Variants in COL16A1 observed in about 807,000 individuals in gnomAD.
COL16A1 encodes the protein collagen type XVI alpha 1 chain, also known as collagen alpha-1(XVI) chain.
Under a neutral mutation model 266.3 loss-of-function variants are expected in COL16A1, and 189 were observed. The ratio of observed to expected loss-of-function variants is 0.71; its 90% CI spans 0.63 to 0.80. COL16A1 has a LOEUF of 0.80. Among genes scored for constraint, COL16A1 ranks in the 30% least tolerant of loss-of-function variants. COL16A1 has a pLI of 0.00. For synonymous variants in COL16A1, 740 were observed against 782.3 expected (o/e 0.95, Z 0.90); for missense variants, 1,928 against 2,122.4 (o/e 0.91, Z 1.80).
Position 31,692,028 on chromosome 1 carries a change from C to A in COL16A1, c.1234G>T (p.Val412Leu). Reference protein sequence around the residue: ...GEKGDGGIKGVPGKPGRDGRP... With the variant: ...GEKGDGGIKGLPGKPGRDGRP... ...ACGTCCCGGCCTGGCTTTCCCGGCACGCCCTTGATGCCTCCGTCGCCCTTC... is the reference window on the plus strand; with the variant it reads ...ACGTCCCGGCCTGGCTTTCCCGGCAAGCCCTTGATGCCTCCGTCGCCCTTC... The change falls in exon 17 of 71, where the codon GTG becomes TTG. Residue 412 changes from valine (V) to leucine (L), a missense_variant. Physicochemically the swap from Val to Leu is conservative, Grantham distance 32. Around this residue, in one of 2 missense-constraint regions of COL16A1, gnomAD observed 1,552 missense variants for 1,637.2 expected, o/e 0.95. Coordinates refer to ENST00000373672, the MANE Select transcript of COL16A1 (RefSeq NM_001856.4). The A allele has an allele frequency of 6.2e-7, 1 of 1,613,908 alleles. No homozygotes were observed. Among genetic ancestry groups the A allele is most frequent in the South Asian group, 1.1e-5 (1 of 91,080 alleles).
chr1:31,684,932 G>T, intron 29 of COL16A1, 76 bp from the exon 30 acceptor site: 4 of 1,607,190 alleles, frequency 2.5e-6, no homozygotes, highest in Non-Finnish European at 3.4e-6. Flanking sequence ...ATCAGGCTGG[G>T]GCATACAACA....
chr1:31,662,652 C>G lies in COL16A1; in HGVS notation c.3562G>C (p.Glu1188Gln). The G allele has an allele frequency of 3.9e-6, 6 of 1,546,294 alleles. No homozygotes were observed. Among genetic ancestry groups the G allele is most frequent in the Non-Finnish European group, 5.2e-6 (6 of 1,145,106 alleles). The change falls in exon 57 of 71, where the codon GAA becomes CAA. Residue 1188 changes from glutamate (E) to glutamine (Q), a missense_variant. By Grantham distance (29) the Glu-to-Gln change is conservative (BLOSUM62 2). This residue lies in a region of COL16A1 where 1,552 missense variants were observed against 1,637.2 expected (regional missense o/e 0.95). Transcript: ENST00000373672. ...PPGPQAEKGS[E>Q]GIRGPSGLPG... ...AGGCCTGATGGGCCTCGAATCCCTTCGCTGCCCTGGAAACCAGCGCCGCCC... is the reference window on the plus strand; with the variant it reads ...AGGCCTGATGGGCCTCGAATCCCTTGGCTGCCCTGGAAACCAGCGCCGCCC...
chr1:31,665,944 C>T lies in COL16A1; in HGVS notation c.3403-9G>A. Reference sequence around the variant, plus strand: ...CGCTCTCCTCTGGGACCCTGTCACCCACAGAGAACAATGCAGCCGAAACCT... The same window carrying T: ...CGCTCTCCTCTGGGACCCTGTCACCTACAGAGAACAATGCAGCCGAAACCT... On this transcript the variant is annotated splice_polypyrimidine_tract_variant and intron_variant, in intron 53 of 70. Coordinates refer to ENST00000373672, the MANE Select transcript of COL16A1 (RefSeq NM_001856.4). 1 of 1,614,138 alleles carries T rather than the reference C, an allele frequency of 6.2e-7. No homozygotes were observed.
chr1:31,674,928 A>G, intron 44 of COL16A1, 79 bp downstream of exon 44: 1 of 1,574,616 alleles, frequency 6.4e-7, no homozygotes, highest in Non-Finnish European at 8.7e-7. Context: ...GAGGTGCCAC[A>G]CAGCTGAGCA....
Position 31,691,205 on chromosome 1 carries a change from C to G in COL16A1, c.1420G>C (p.Gly474Arg). ...GTPGDPGGPP[G>R]PKGDKGSSGI... ...ATGCTCACCTTGTCTCCCTTGGGGC[C>G]TGGTGGGCCACCTGGATCCCCCTGA... Residue 474 changes from glycine (G) to arginine (R), a missense_variant, in exon 20 of 71, where the codon GGC becomes CGC. Gly to Arg is a moderately radical substitution (Grantham distance 125). Transcript: ENST00000373672. The G allele has an allele frequency of 1.2e-6, 2 of 1,614,038 alleles. No homozygotes were observed. The highest frequency in any genetic ancestry group is 1.7e-6 in the Non-Finnish European group (2 of 1,179,946).
At chr1:31,675,220 G>A (rs1176006934) in intron 43 of COL16A1, 38 bp downstream of exon 43, 13 of 1,614,076 alleles carry the variant, frequency 8.1e-6, no homozygotes, top group Non-Finnish European at 1.1e-5. Flanking sequence ...GGAAGGGCAG[G>A]GAAGGGGCAT....
chr1:31,666,074 G>A lies in COL16A1; in HGVS notation c.3365C>T (p.Pro1122Leu). Reference protein sequence around the residue: ...SAGEKGEPGPPGSEGLPGPPG... With the variant: ...SAGEKGEPGPLGSEGLPGPPG... The stretch of plus-strand genomic sequence containing the variant: ...GGGGCCTGGGAGGCCTTCAGATCCT[G>A]GGGGGCCCTAAGGATACAAAGGAAC... The change falls in exon 53 of 71, where the codon CCA becomes CTA. Residue 1122 changes from proline to leucine, a missense_variant. This residue lies in a region of COL16A1 where 1,552 missense variants were observed against 1,637.2 expected (regional missense o/e 0.95). Transcript: ENST00000373672. The A allele has an allele frequency of 6.2e-7, 1 of 1,611,420 alleles. No individual in the cohort carries two copies. The highest frequency in any genetic ancestry group is 8.5e-7 in the Non-Finnish European group (1 of 1,179,284).
At chr1:31,661,561 T>A (rs1332780323) in intron 59 of COL16A1, 99 bp downstream of exon 59, 7 of 1,612,086 alleles carry the variant, frequency 4.3e-6, no homozygotes, top group Non-Finnish European at 5.1e-6. Context: ...TCCAAAGTCA[T>A]AACACGGTCC....
In COL16A1 at chr1:31,656,287, C is replaced by A. The variant is rs936005013; in HGVS notation, c.4101+113G>T. 5 of 1,525,896 alleles carry A rather than the reference C, an allele frequency of 3.3e-6. No individual in the cohort carries two copies. The African/African-American group carries it at 7.0e-5, about 21-fold the overall frequency. The allele number at this position is 1,525,896 out of a possible 1,614,324, so 94.5% of individuals were successfully genotyped here. On this transcript the variant is annotated intron_variant, in intron 66 of 70. Coordinates refer to ENST00000373672, the MANE Select transcript of COL16A1 (RefSeq NM_001856.4). This position sits in a 1 kb window ranked among gnomAD's most constrained non-coding sequence, Gnocchi z 4.2. The stretch of plus-strand genomic sequence containing the variant: ...CCTGCTCCAAGTTCTGCATTTTTGC[C>A]CCCTGCCCACTGGCCTTCCTGTGTC...
intron 60 of COL16A1, 72 bp downstream of exon 60, chr1:31,661,342 G>A (rs775387673): frequency 1.2e-5 from 20 of 1,609,764 alleles, no homozygotes; most frequent in Non-Finnish European, 1.7e-5. Context: ...AGGATAGGCT[G>A]CCATGTATGC....
At position 31,698,495 on chromosome 1, in the gene COL16A1, A is replaced by G. The variant is rs200718654; in HGVS notation, c.378T>C (p.Asn126=). The G allele has an allele frequency of 1.2e-6, 2 of 1,614,114 alleles. No individual in the cohort carries two copies. Residue 126 remains asparagine (N), a synonymous_variant, in exon 5 of 71, where the codon AAT becomes AAC. Coordinates refer to ENST00000373672, the MANE Select transcript of COL16A1 (RefSeq NM_001856.4). The surrounding 1 kb of genome is among the most constrained non-coding windows in gnomAD (Gnocchi z 4.1). ...TWYLFQVTDA[N]GYPQISLEVN... ...AGGGGAGGTTCACCTGTGGATACCCATTTGCATCGGTCACTTGAAACAGAT... is the reference window on the plus strand; with the variant it reads ...AGGGGAGGTTCACCTGTGGATACCCGTTTGCATCGGTCACTTGAAACAGAT...
In COL16A1 at chr1:31,670,406, C is replaced by T. The variant is rs947361023; in HGVS notation, c.3195+196G>A. On this transcript the variant is annotated intron_variant, in intron 49 of 70. Coordinates refer to ENST00000373672, the MANE Select transcript of COL16A1 (RefSeq NM_001856.4). This position sits in a 1 kb window ranked among gnomAD's most constrained non-coding sequence, Gnocchi z 4.5. ...GCAGGAGAGGAGGGAGAGGAGAAAA[C>T]GGAAAGGAGTCAGAGACTGGGAGGA... 2 of 539,062 alleles carry T rather than the reference C, an allele frequency of 3.7e-6. No individual in the cohort carries two copies. The highest frequency in any genetic ancestry group is 6.0e-6 in the Non-Finnish European group (2 of 331,586). The allele number at this position is 539,062 out of a possible 1,614,324, so 33.4% of individuals were successfully genotyped here. A position where few individuals can be genotyped will look rare whatever the true frequency, so the allele number is the denominator to read the frequency against.
intron 11 of COL16A1, 73 bp downstream of exon 11, chr1:31,695,113 G>T (rs1335658802): frequency 1.3e-6 from 2 of 1,544,052 alleles, no homozygotes; most frequent in African/African-American, 1.4e-5. Context: ...CCAGGAGGCT[G>T]CCAAGCCAGC....
chr1:31,680,230 A>G (rs938191126), intron 39 of COL16A1, 129 bp from the exon 40 acceptor site: 4 of 1,391,830 alleles, frequency 2.9e-6, no homozygotes, highest in African/African-American at 2.9e-5. Flanking sequence ...GCCTCTTCTA[A>G]TGTGCCCTTA....
At chr1:31,674,238 G>A (rs1210038710) in intron 44 of COL16A1, among the ~76,000 whole-genome samples, 1 of 152,228 alleles carries the variant, frequency 6.6e-6, no homozygotes, top group East Asian at 1.9e-4. Flanking sequence ...GATGAGGGGG[G>A]GCTCTGGAGG....
intron 55 of COL16A1, 96 bp downstream of exon 55, chr1:31,665,487 C>A: frequency 6.2e-7 from 1 of 1,607,176 alleles, no homozygotes; most frequent in Non-Finnish European, 8.5e-7. Flanking sequence ...CCCCTCTTCT[C>A]CCCAGGACCA....
chr1:31,692,206 G>C, intron 16 of COL16A1, 139 bp from the exon 17 acceptor site: 1 of 1,350,364 alleles, frequency 7.4e-7, no homozygotes, highest in South Asian at 1.2e-5. Flanking sequence ...CAATCACCAC[G>C]GGAGGGTAGA....
In COL16A1 at chr1:31,656,500, G is replaced by A; in HGVS notation, c.4057-56C>T. 1.9e-6 allele frequency: 3 copies of A among 1,595,406 alleles called. No individual in the cohort carries two copies. Among genetic ancestry groups the A allele is most frequent in the African/African-American group, 1.3e-5 (1 of 74,700 alleles). On this transcript the variant is annotated intron_variant, in intron 65 of 70. Transcript: ENST00000373672. This position sits in a 1 kb window ranked among gnomAD's most constrained non-coding sequence, Gnocchi z 4.2. ...CCGGGCAGCATCTCTGAGGCTCCCT[G>A]GGGAGGCAGGTGCAGTGAAGAGGCC...
rs1371949016 is a variant in COL16A1, at chr1:31,695,191, T to C, written c.976A>G (p.Ser326Gly). Residue 326 changes from serine to glycine, a missense_variant, in exon 11 of 71, where the codon AGC (serine) becomes GGC (glycine). By Grantham distance (56) the Ser-to-Gly change is moderately conservative (BLOSUM62 0). This residue lies in a region of COL16A1 where 1,552 missense variants were observed against 1,637.2 expected (regional missense o/e 0.95). Transcript: ENST00000373672. ...CACACCCTCCATTCACTCACATTGC[T>C]GTCCCGGGCACCATGGACACAGGGC... The part of the protein sequence containing the change: ...CPPCVHGARD[S>G]NVTLAPSGPK... 1.9e-6 allele frequency: 3 copies of C among 1,613,780 alleles called. No individual in the cohort carries two copies. The African/African-American group carries it at 4.0e-5, about 22-fold the overall frequency.
Sources: allele counts gnomAD v4.1 joint callset (sites outside exome capture counted in the v4.1 genomes callset), GRCh38; gene constraint gnomAD v4.1.1; regional missense constraint gnomAD v4.1.1; non-coding constraint Gnocchi (gnomAD v3.1); transcripts MANE v1.5; gene names NCBI Gene and HGNC (gene_info 2026-07-23, HGNC 2026-07-21).